CAP2: variants seen among roughly 807,000 people sequenced by gnomAD.
CAP2 encodes the protein adenylyl cyclase-associated protein 2.
In CAP2, 24 loss-of-function variants were observed where a neutral mutation model predicts 57.7. The ratio of observed to expected loss-of-function variants is 0.42; its 90% CI spans 0.30 to 0.58. The LOEUF (loss-of-function observed/expected upper bound fraction) is 0.58. CAP2 is among the 20% of genes least tolerant of loss of function. The pLI is 0.22. For synonymous variants in CAP2, 194 were observed against 207.2 expected (o/e 0.94, Z 0.55); for missense variants, 501 against 590.3 (o/e 0.85, Z 1.57).
Position 17,493,483 on chromosome 6 carries a change from A to G in CAP2, c.301-13686A>G, listed in dbSNP as rs369050927. On this transcript the variant is annotated intron_variant, in intron 4 of 12. Coordinates refer to ENST00000229922, the MANE Select transcript of CAP2 (RefSeq NM_006366.3). ...ACCCATAATGGAGGCTGGCTGTCTCACAGACTTTTGCTGCTGGCCAGAGTG... is the reference window on the plus strand; with the variant it reads ...ACCCATAATGGAGGCTGGCTGTCTCGCAGACTTTTGCTGCTGGCCAGAGTG... 2.4e-3 allele frequency: 611 copies of G among 258,600 alleles called. 3 individuals carry two copies. Among genetic ancestry groups the G allele is most frequent in the South Asian group, 4.7e-3 (120 of 25,296 alleles). The allele number at this position is 258,600 out of a possible 1,614,324, so 16.0% of individuals were successfully genotyped here.
At chr6:17,470,954 A>G (rs1274929458) in intron 4 of CAP2, among the ~76,000 whole-genome samples, 1 of 152,204 alleles carries the variant, frequency 6.6e-6, no homozygotes, top group Non-Finnish European at 1.5e-5. Flanking sequence ...AGATGTATCT[A>G]TGTATGTATG....
chr6:17,439,104 C>T (rs1034380424), intron 3 of CAP2, among the ~76,000 whole-genome samples: 1 of 150,564 alleles, frequency 6.6e-6, no homozygotes, highest in South Asian at 2.1e-4. Context: ...GAGCGAGACT[C>T]TGTCTTAAAA....
At chr6:17,490,350 C>T (rs1357767407) in intron 4 of CAP2, among the ~76,000 whole-genome samples, 1 of 152,190 alleles carries the variant, frequency 6.6e-6, no homozygotes, top group Non-Finnish European at 1.5e-5. Flanking sequence ...GCAGTTGCAA[C>T]TTTGAGACTA....
intron 3 of CAP2, among the ~76,000 whole-genome samples, chr6:17,430,563 G>A (rs1759701199): frequency 6.8e-6 from 1 of 146,314 alleles, no homozygotes; most frequent in South Asian, 2.1e-4. Flanking sequence ...TTTCGAGACA[G>A]AGTCTTGCTC....
At chr6:17,499,011 G>C (rs896540633) in intron 4 of CAP2, among the ~76,000 whole-genome samples, 3 of 151,636 alleles carry the variant, frequency 2.0e-5, no homozygotes, top group African/African-American at 4.8e-5. Flanking sequence ...TTACAGGCGT[G>C]AGCCACCACG....
rs138067074 is a variant in CAP2, at chr6:17,531,353, C to T, written c.637-7916C>T. 882 of 1,529,308 alleles carry T rather than the reference C, an allele frequency of 5.8e-4. 9 individuals are homozygous for T. The East Asian group carries it at 0.013, about 23-fold the overall frequency. 94.7% of individuals were successfully genotyped at this position (1,529,308 alleles called of 1,614,324 possible). A position where few individuals can be genotyped will look rare whatever the true frequency, so the allele number is the denominator to read the frequency against. ...CTTTGGGCTCACACCATTGATACCTCTGATCCTGATGACAAACGCCAATTT... is the reference window on the plus strand; with the variant it reads ...CTTTGGGCTCACACCATTGATACCTTTGATCCTGATGACAAACGCCAATTT... On this transcript the variant is annotated intron_variant, in intron 7 of 12. Transcript: ENST00000229922.
At position 17,542,933 on chromosome 6, in the gene CAP2, A is replaced by C; in HGVS notation, c.1099A>C (p.Lys367Gln). The C allele has an allele frequency of 6.2e-7, 1 of 1,613,942 alleles. No individual in the cohort carries two copies. Residue 367 changes from lysine (K) to glutamine (Q), a missense_variant, in exon 10 of 13, where the codon AAA (lysine) becomes CAA (glutamine). By Grantham distance (53) the Lys-to-Gln change is moderately conservative. Transcript: ENST00000229922. Reference sequence around the variant, plus strand: ...ATGCGAAAAATCAACTATTCAGATAAAAGGGAAAGTAAACTCCATTATAAT... The same window carrying C: ...ATGCGAAAAATCAACTATTCAGATACAAGGGAAAGTAAACTCCATTATAAT... ...FKCEKSTIQIKGKVNSIIIDN... is the reference protein window; with the variant it reads ...FKCEKSTIQIQGKVNSIIIDN...
chr6:17,510,428 C>G (rs1762115477), intron 6 of CAP2, among the ~76,000 whole-genome samples: 1 of 152,212 alleles, frequency 6.6e-6, no homozygotes, highest in South Asian at 2.1e-4. Context: ...GGAAGAGGAG[C>G]TTTAGCAGAC....
chr6:17,441,563 A>G (rs1174142833), intron 3 of CAP2, among the ~76,000 whole-genome samples: 1 of 151,594 alleles, frequency 6.6e-6, no homozygotes, highest in East Asian at 1.9e-4. Context: ...GGCTCACTGC[A>G]GCCTCAACTT....
chr6:17,408,625 A>G (rs1020001117), intron 1 of CAP2, among the ~76,000 whole-genome samples: 1 of 151,590 alleles, frequency 6.6e-6, no homozygotes, highest in African/African-American at 2.4e-5. Context: ...ATTCCTAGTC[A>G]TGAGAAGTAA....
intron 11 of CAP2, 92 bp from the exon 12 acceptor site, chr6:17,551,372 C>A: frequency 9.0e-7 from 1 of 1,109,324 alleles, no homozygotes; most frequent in Non-Finnish European, 1.3e-6. Flanking sequence ...TAAGCCCAAG[C>A]TAAAGCCAAG....
chr6:17,427,043 C>A lies in CAP2; in HGVS notation c.222+353C>A, dbSNP rs574781890. Among the ~76,000 whole-genome samples the A allele has an allele frequency of 2.7e-3, 406 of 152,248 alleles. 4 individuals carry two copies. Among genetic ancestry groups the A allele is most frequent in the African/African-American group, 9.2e-3 (380 of 41,530 alleles). On this transcript the variant is annotated intron_variant, in intron 3 of 12. Transcript: ENST00000229922. ...TACGAAAAGAATAAGAAAGCAGAGT[C>A]ATGATTTAGAGTGCTGGAAACAGGG...
At chr6:17,535,740 A>C (rs1441160512) in intron 7 of CAP2, among the ~76,000 whole-genome samples, 1 of 152,174 alleles carries the variant, frequency 6.6e-6, no homozygotes, top group Admixed American at 6.6e-5. Context: ...TTAAAGAGAT[A>C]TTTCAGTACA....
At chr6:17,534,286 A>G (rs1205696556) in intron 7 of CAP2, among the ~76,000 whole-genome samples, 6 of 152,246 alleles carry the variant, frequency 3.9e-5, no homozygotes, top group Non-Finnish European at 8.8e-5. Flanking sequence ...GATAATTTAC[A>G]AGTAAACATC....
chr6:17,502,201 A>G (rs993016863), intron 4 of CAP2, among the ~76,000 whole-genome samples: 10 of 152,200 alleles, frequency 6.6e-5, no homozygotes, highest in Non-Finnish European at 8.8e-5. Context: ...ATTGACATCA[A>G]TGCAAATCAG....
chr6:17,507,487 G>A (rs1451992857), intron 5 of CAP2, among the ~76,000 whole-genome samples, 154 bp from the exon 6 acceptor site: 3 of 152,218 alleles, frequency 2.0e-5, no homozygotes, highest in Non-Finnish European at 4.4e-5. Context: ...CTGAGATACT[G>A]TAGAAAGTGT....
chr6:17,421,733 T>C, intron 2 of CAP2, 57 bp downstream of exon 2: 1 of 1,598,246 alleles, frequency 6.3e-7, no homozygotes, highest in African/African-American at 1.3e-5. Flanking sequence ...TCATTTTGTT[T>C]CCATAATTTC....
chr6:17,463,350 T>G (rs1056151963), intron 4 of CAP2, among the ~76,000 whole-genome samples: 1 of 152,118 alleles, frequency 6.6e-6, no homozygotes, highest in Non-Finnish European at 1.5e-5. Context: ...AATATATCAT[T>G]ATGGCCAAAT....
intron 3 of CAP2, among the ~76,000 whole-genome samples, chr6:17,431,419 G>A (rs1166755220): frequency 1.3e-5 from 2 of 151,930 alleles, no homozygotes; most frequent in East Asian, 3.9e-4. Context: ...CACACATAAG[G>A]CATACTATGA....
Sources: allele counts gnomAD v4.1 joint callset (sites outside exome capture counted in the v4.1 genomes callset), GRCh38; gene constraint gnomAD v4.1.1; transcripts MANE v1.5; gene names NCBI Gene and HGNC (gene_info 2026-07-23, HGNC 2026-07-21).